DUSP15: variants seen among roughly 807,000 people sequenced by gnomAD.
DUSP15 encodes the protein dual specificity phosphatase 15.
In DUSP15, 23 loss-of-function variants were observed where a neutral mutation model predicts 26.3. The ratio of observed to expected loss-of-function variants is 0.87; its 90% CI spans 0.63 to 1.24. The LOEUF is 1.24. Among genes scored for constraint, DUSP15 ranks in the 50% most tolerant of loss-of-function variants. The pLI, the probability that DUSP15 is intolerant of heterozygous loss-of-function variation, is 0.00. For synonymous variants in DUSP15, 143 were observed against 135.5 expected (o/e 1.06, Z -0.39); for missense variants, 364 against 320.6 (o/e 1.14, Z -1.03).
At chr20:31,863,077 G>A (rs999641766) in intron 5 of DUSP15, among the ~76,000 whole-genome samples, 1 of 29,638 alleles carries the variant, frequency 3.4e-5, no homozygotes, top group Non-Finnish European at 6.1e-5. Context: ...AGTATGGCTG[G>A]GGGGGGGGGA....
At chr20:31,862,495 CCAAT>C in intron 6 of DUSP15, 72 bp downstream of exon 6, 1 of 1,480,964 alleles carries the variant, frequency 6.8e-7, no homozygotes, top group Non-Finnish European at 9.0e-7. Flanking sequence ...TAAAAATGTT[CCAAT>C]CAGTGATCAG....
chr20:31,861,691 G>T lies in DUSP15; in HGVS notation c.436-16C>A, dbSNP rs1405931342. On this transcript the variant is annotated splice_polypyrimidine_tract_variant and intron_variant, in intron 6 of 6. Transcript: ENST00000339738. ...GCCGGCGAAGCTGGGGTGGGCGGGTGAGGTGGGCGGGGTCAAGGCCGGCGC... is the reference window on the plus strand; with the variant it reads ...GCCGGCGAAGCTGGGGTGGGCGGGTTAGGTGGGCGGGGTCAAGGCCGGCGC... 6.4e-6 allele frequency: 7 copies of T among 1,100,214 alleles called. No individual in the cohort carries two copies. Among genetic ancestry groups the T allele is most frequent in the Non-Finnish European group, 8.3e-6 (7 of 839,432 alleles). The allele number at this position is 1,100,214 out of a possible 1,614,324, so 68.2% of individuals were successfully genotyped here.
intron 6 of DUSP15, 102 bp from the exon 7 acceptor site, chr20:31,861,777 C>T: frequency 1.1e-6 from 1 of 932,886 alleles, no homozygotes. Context: ...CTTCTCCGAG[C>T]GTCCCACACC....
At chr20:31,852,613 C>A (rs2062489893) in intron 6 of DUSP15, among the ~76,000 whole-genome samples, 1 of 152,002 alleles carries the variant, frequency 6.6e-6, no homozygotes, top group Non-Finnish European at 1.5e-5. Flanking sequence ...GAGTTTGAGA[C>A]CCCTGGCCAA....
chr20:31,855,920 G>T (rs537431273), intron 6 of DUSP15, among the ~76,000 whole-genome samples: 1 of 152,244 alleles, frequency 6.6e-6, no homozygotes, highest in Non-Finnish European at 1.5e-5. Context: ...ATGCATCGGG[G>T]GAGGCTCTCT....
downstream of DUSP15, among the ~76,000 whole-genome samples, chr20:31,846,173 C>G (rs1214704293): frequency 3.3e-5 from 5 of 149,652 alleles, no homozygotes; most frequent in African/African-American, 1.2e-4. Context: ...TAAGCACACA[C>G]ACACATATAC....
downstream of DUSP15, among the ~76,000 whole-genome samples, chr20:31,856,688 C>T (rs1011382899): frequency 1.4e-4 from 21 of 151,764 alleles, no homozygotes; most frequent in African/African-American, 4.8e-4. Context: ...TTGAGGTGCT[C>T]GGGGGCCATC....
At chr20:31,857,011 T>C (rs1418844710), downstream of DUSP15, among the ~76,000 whole-genome samples, 2 of 151,854 alleles carry the variant, frequency 1.3e-5, no homozygotes, top group Non-Finnish European at 2.9e-5. Flanking sequence ...CAGTGACATA[T>C]GCTTAGATTT....
intron 2 of DUSP15, among the ~76,000 whole-genome samples, chr20:31,867,926 T>A (rs1037142903): frequency 3.3e-4 from 50 of 152,044 alleles, no homozygotes; most frequent in African/African-American, 1.2e-3. Flanking sequence ...ATTACAGGCG[T>A]GAGCCATCGT....
intron 3 of DUSP15, 113 bp from the exon 4 acceptor site, chr20:31,865,115 C>A (rs2062739274): frequency 8.8e-7 from 1 of 1,140,422 alleles, no homozygotes; most frequent in Non-Finnish European, 1.3e-6. Context: ...CCTTCTCTGG[C>A]CCACTGTGGT....
chr20:31,853,041 A>G (rs560542544), intron 6 of DUSP15, among the ~76,000 whole-genome samples: 1 of 152,158 alleles, frequency 6.6e-6, no homozygotes, highest in Non-Finnish European at 1.5e-5. Flanking sequence ...TGGGCCGTGC[A>G]GAGGGATGAG....
At chr20:31,845,925 A>G (rs866719383), downstream of DUSP15, among the ~76,000 whole-genome samples, 15 of 152,156 alleles carry the variant, frequency 9.9e-5, no homozygotes, top group African/African-American at 3.6e-4. Context: ...AAACAGAGAC[A>G]GGGAAAAAAG....
intron 3 of DUSP15, among the ~76,000 whole-genome samples, chr20:31,865,233 C>T (rs528371306): frequency 4.8e-4 from 73 of 152,254 alleles, no homozygotes; most frequent in African/African-American, 1.8e-3. Context: ...CCATCAGCGG[C>T]GTGGGCATGA....
intron 6 of DUSP15, among the ~76,000 whole-genome samples, chr20:31,850,911 G>GAAGA (rs1568659225): frequency 4.6e-5 from 7 of 152,326 alleles, no homozygotes; most frequent in Admixed American, 4.6e-4. Flanking sequence ...AGCATTGGGA[G>GAAGA]AAGAGGCTGT....
At chr20:31,852,741 G>A (rs1023270637) in intron 6 of DUSP15, among the ~76,000 whole-genome samples, 4 of 152,174 alleles carry the variant, frequency 2.6e-5, no homozygotes, top group African/African-American at 9.7e-5. Context: ...AACCTGGGTG[G>A]CGGAGGTTGC....
At chr20:31,846,442 TAGAGAGAGAGAG>T (rs71185371), downstream of DUSP15, among the ~76,000 whole-genome samples, 6 of 107,866 alleles carry the variant, frequency 5.6e-5, no homozygotes, top group South Asian at 2.7e-4. Flanking sequence ...AAGGAATGAA[TAGAGAGAGAGAG>T]AGAGAGAGAG....
chr20:31,852,501 A>G (rs748632191), intron 6 of DUSP15, among the ~76,000 whole-genome samples: 66 of 152,056 alleles, frequency 4.3e-4, no homozygotes, highest in Non-Finnish European at 1.5e-4. Context: ...GGCAGACACA[A>G]TGTGGTCTTG....
chr20:31,846,637 C>A (rs2062381659), downstream of DUSP15, among the ~76,000 whole-genome samples: 3 of 152,132 alleles, frequency 2.0e-5, no homozygotes, highest in Admixed American at 1.3e-4. Context: ...CCACTCCTAC[C>A]CCATCCTCCT....
chr20:31,848,409 G>A (rs771404423), exon 10 of DUSP15: 5 of 1,611,358 alleles, frequency 3.1e-6, no homozygotes, highest in African/African-American at 2.7e-5. Flanking sequence ...TGCCTTCAGC[G>A]GGTACAAGAA....
Sources: gnomAD v4.1 joint callset for allele counts (sites outside exome capture counted in the v4.1 genomes callset) on GRCh38, gnomAD v4.1.1 for gene constraint, MANE v1.5 for transcripts, NCBI Gene and HGNC (gene_info 2026-07-23, HGNC 2026-07-21) for gene names.